The following MAST4 variants were observed in gnomAD, a reference collection of about 807,000 sequenced individuals.
The protein encoded by MAST4 is microtubule associated serine/threonine kinase family member 4.
In MAST4, 89 loss-of-function variants were observed where a neutral mutation model predicts 162.7. That is an observed-to-expected ratio of 0.55 (90% CI 0.46 to 0.65). The LOEUF (loss-of-function observed/expected upper bound fraction) is 0.65. Among genes scored for constraint, MAST4 ranks in the 30% least tolerant of loss-of-function variants. The probability of loss-of-function intolerance (pLI) is 0.00; values close to 1 mark genes in which losing one functional copy is unlikely to be tolerated. For synonymous variants in MAST4, 1,479 were observed against 1,361.1 expected (o/e 1.09, Z -1.91); for missense variants, 3,153 against 3,374.0 (o/e 0.93, Z 1.62).
At chr5:66,891,453 A>G (rs1160797291) in intron 3 of MAST4, among the ~76,000 whole-genome samples, 1 of 152,092 alleles carries the variant, frequency 6.6e-6, no homozygotes, top group Non-Finnish European at 1.5e-5. Flanking sequence ...TGACACCCTA[A>G]TGCCAGAGTA....
At chr5:67,075,055 C>T (rs868660498) in intron 5 of MAST4, among the ~76,000 whole-genome samples, 2 of 152,036 alleles carry the variant, frequency 1.3e-5, no homozygotes, top group Non-Finnish European at 2.9e-5. Context: ...CTTAGTCAGC[C>T]CCATGGTAGT....
intron 23 of MAST4, among the ~76,000 whole-genome samples, chr5:67,148,017 T>A (rs759469303): frequency 6.6e-6 from 1 of 152,222 alleles, no homozygotes; most frequent in East Asian, 1.9e-4. Flanking sequence ...ACTTTGTCCA[T>A]GAGCGTGGGC....
chr5:66,825,261 GACACACACACACACACACACACACACAC>G (rs56076405), intron 3 of MAST4, among the ~76,000 whole-genome samples: 1 of 135,552 alleles, frequency 7.4e-6, no homozygotes, highest in East Asian at 2.1e-4. Flanking sequence ...TAAAAACTAA[GACACACACACACACACACACACACACAC>G]ACACACACAC....
At chr5:67,142,595 A>C in intron 21 of MAST4, 62 bp downstream of exon 21, 1 of 1,103,696 alleles carries the variant, frequency 9.1e-7, no homozygotes, top group Admixed American at 2.0e-5. Context: ...CTGGCCAGAT[A>C]GTATCCCCGA....
intron 1 of MAST4, among the ~76,000 whole-genome samples, chr5:66,670,267 T>C (rs531013088): frequency 1.3e-5 from 2 of 152,210 alleles, no homozygotes; most frequent in Non-Finnish European, 2.9e-5. Context: ...GTCATAGCTC[T>C]TGCAGACTCT....
Position 67,166,804 on chromosome 5 carries a change from G to C in MAST4, c.7625G>C (p.Gly2542Ala). The change falls in exon 29 of 29, where the codon GGC (glycine) becomes GCC (alanine). Residue 2542 changes from glycine to alanine, a missense_variant. Physicochemically the swap from Gly to Ala is moderately conservative, Grantham distance 60. Coordinates refer to ENST00000403625, the MANE Select transcript of MAST4 (RefSeq NM_001164664.2). ...ESHHPDPNTM[G>A]GASHRDRALS... Reference sequence around the variant, plus strand: ...CACCACCCCGACCCAAACACCATGGGCGGGGCCAGCCACCGGGACAGGGCT... The same window carrying C: ...CACCACCCCGACCCAAACACCATGGCCGGGGCCAGCCACCGGGACAGGGCT... The C allele has an allele frequency of 1.2e-6, 2 of 1,603,564 alleles. No individual in the cohort carries two copies. Among genetic ancestry groups the C allele is most frequent in the Non-Finnish European group, 1.7e-6 (2 of 1,175,746 alleles).
intron 1 of MAST4, among the ~76,000 whole-genome samples, chr5:66,607,523 T>A (rs1026828987): frequency 1.3e-5 from 2 of 152,232 alleles, no homozygotes; most frequent in African/African-American, 4.8e-5. Flanking sequence ...TAAAAGGAAT[T>A]ATTTTGGTTT....
chr5:67,110,321 C>T, intron 11 of MAST4, 122 bp downstream of exon 11: 2 of 692,116 alleles, frequency 2.9e-6, no homozygotes, highest in Middle Eastern at 5.0e-4. Context: ...AAGGGAATTA[C>T]AACTTGTGAA....
At chr5:67,135,159 AG>A (rs1267849738) in intron 18 of MAST4, among the ~76,000 whole-genome samples, 1 of 152,206 alleles carries the variant, frequency 6.6e-6, no homozygotes, top group African/African-American at 2.4e-5. Context: ...ATAAATAATG[AG>A]AATGGGAAAG....
At chr5:67,028,049 G>A (rs182157252) in intron 4 of MAST4, among the ~76,000 whole-genome samples, 1 of 152,202 alleles carries the variant, frequency 6.6e-6, no homozygotes, top group East Asian at 1.9e-4. Flanking sequence ...TGGGTGTAGA[G>A]ACAGGAAAAC....
At chr5:67,043,020 A>G (rs1561568048) in intron 4 of MAST4, among the ~76,000 whole-genome samples, 1 of 152,216 alleles carries the variant, frequency 6.6e-6, no homozygotes, top group Non-Finnish European at 1.5e-5. Context: ...CATGCTGTTC[A>G]TTCTGGGCTT....
At chr5:66,605,103 C>G (rs7722928) in intron 1 of MAST4, among the ~76,000 whole-genome samples, 41,489 of 152,078 alleles carry the variant, frequency 0.27, 8,835 homozygotes, top group African/African-American at 0.58. Context: ...AGCATATCTA[C>G]CTCCTACATA....
chr5:67,118,246 T>C (rs924124344), intron 12 of MAST4, among the ~76,000 whole-genome samples: 7 of 152,224 alleles, frequency 4.6e-5, no homozygotes, highest in Admixed American at 3.9e-4. Flanking sequence ...TCAGTAGATA[T>C]GAAGGAATGG....
intron 1 of MAST4, among the ~76,000 whole-genome samples, chr5:66,757,273 C>A (rs912239424): frequency 2.6e-5 from 4 of 152,140 alleles, no homozygotes; most frequent in Non-Finnish European, 5.9e-5. Context: ...GCAGCTGTCA[C>A]TCATAATTAA....
intron 1 of MAST4, among the ~76,000 whole-genome samples, chr5:66,678,007 ATCT>A (rs1257034518): frequency 1.3e-5 from 2 of 152,160 alleles, no homozygotes; most frequent in East Asian, 1.9e-4. Context: ...GAGTTTGAGA[ATCT>A]TCTTCTATAG....
At chr5:66,638,702 G>A (rs1225519532) in intron 1 of MAST4, among the ~76,000 whole-genome samples, 1 of 152,084 alleles carries the variant, frequency 6.6e-6, no homozygotes, top group East Asian at 1.9e-4. Flanking sequence ...CCATCTCTGT[G>A]GACAGTTGCA....
chr5:66,876,032 G>A (rs1001356852), intron 3 of MAST4, among the ~76,000 whole-genome samples: 3 of 152,160 alleles, frequency 2.0e-5, no homozygotes, highest in Non-Finnish European at 2.9e-5. Context: ...CACCCAAAGT[G>A]CTGGGATTAC....
chr5:67,137,081 T>C (rs1769750003), intron 19 of MAST4, among the ~76,000 whole-genome samples: 1 of 152,224 alleles, frequency 6.6e-6, no homozygotes, highest in South Asian at 2.1e-4. Flanking sequence ...CATACGGATT[T>C]GACCCAGCAC....
At chr5:66,806,969 G>A (rs183726379) in intron 3 of MAST4, among the ~76,000 whole-genome samples, 143 of 152,184 alleles carry the variant, frequency 9.4e-4, no homozygotes, top group Non-Finnish European at 1.7e-3. Flanking sequence ...GTGGTAGCAG[G>A]TACTAACCCT....
Sources: gnomAD v4.1 joint callset for allele counts (sites outside exome capture counted in the v4.1 genomes callset) on GRCh38, gnomAD v4.1.1 for gene constraint, MANE v1.5 for transcripts, NCBI Gene and HGNC (gene_info 2026-07-23, HGNC 2026-07-21) for gene names.